LRRC28: variants seen among roughly 807,000 people sequenced by gnomAD.
The protein encoded by LRRC28 is leucine rich repeat containing 28.
A neutral mutation model predicts 45.7 loss-of-function variants in LRRC28; 39 were observed. The ratio of observed to expected loss-of-function variants is 0.85; its 90% CI spans 0.66 to 1.12. The LOEUF (loss-of-function observed/expected upper bound fraction) is 1.12. LRRC28 is among the 50% of genes most tolerant of loss of function. LRRC28 has a pLI of 0.00. For missense variants in LRRC28, 435 were observed against 438.5 expected (o/e 0.99, Z 0.07); for synonymous variants, 206 against 178.8 (o/e 1.15, Z -1.22).
chr15:99,258,903 T>G, intron 2 of LRRC28: 1 of 718,150 alleles, frequency 1.4e-6, no homozygotes, highest in Non-Finnish European at 2.6e-6. Context: ...CCTAAGAACC[T>G]GAATTTTGTC....
chr15:99,273,790 A>G (rs2081546753), intron 2 of LRRC28, among the ~76,000 whole-genome samples: 1 of 152,222 alleles, frequency 6.6e-6, no homozygotes, highest in Admixed American at 6.5e-5. Flanking sequence ...ATGACCGTGG[A>G]GTGTGTGAAT....
chr15:99,376,117 G>A (rs1468143537), intron 9 of LRRC28, among the ~76,000 whole-genome samples: 1 of 152,006 alleles, frequency 6.6e-6, no homozygotes, highest in Non-Finnish European at 1.5e-5. Context: ...CAGCACTACT[G>A]TCTCTAGCTA....
rs1958013858 is a variant in LRRC28 at position 99,386,961 on chromosome 15, A to T, written c.*859A>T. ...GGGGGAGAAAACACACATTGAAATA[A>T]GACCTCCGTGTTCTTTTTTGATGGG... On this transcript the variant is annotated 3_prime_UTR_variant, in exon 10 of 10. Coordinates refer to ENST00000301981, the MANE Select transcript of LRRC28 (RefSeq NM_144598.5). 6.6e-6 allele frequency: 1 copy of T among 152,212 alleles called. No homozygotes were observed. The highest frequency in any genetic ancestry group is 2.4e-5 in the African/African-American group (1 of 41,450). 9.4% of individuals were successfully genotyped at this position (152,212 alleles called of 1,614,324 possible).
chr15:99,365,034 G>A (rs1347671672), intron 9 of LRRC28, among the ~76,000 whole-genome samples: 5 of 152,260 alleles, frequency 3.3e-5, no homozygotes, highest in Non-Finnish European at 5.9e-5. Context: ...TAAACAAAAT[G>A]ATAGGGTCAG....
chr15:99,362,442 A>T (rs986428001), intron 8 of LRRC28, among the ~76,000 whole-genome samples: 1 of 152,166 alleles, frequency 6.6e-6, no homozygotes, highest in Non-Finnish European at 1.5e-5. Context: ...TTTCTGTTGG[A>T]TGCTCATCAT....
chr15:99,304,434 TTTTC>T (rs983331709), intron 5 of LRRC28, among the ~76,000 whole-genome samples: 4 of 152,016 alleles, frequency 2.6e-5, no homozygotes, highest in Non-Finnish European at 4.4e-5. Flanking sequence ...TCCTTTTCTT[TTTTC>T]TTTTTTTTTC....
At chr15:99,347,442 C>T (rs759244225) in intron 6 of LRRC28, among the ~76,000 whole-genome samples, 10 of 152,154 alleles carry the variant, frequency 6.6e-5, no homozygotes, top group African/African-American at 1.4e-4. Context: ...CTCCTGACCT[C>T]GTGATCTGCC....
chr15:99,287,266 C>A lies in LRRC28; in HGVS notation c.219C>A (p.His73Gln). The A allele has an allele frequency of 6.4e-7, 1 of 1,570,854 alleles. No individual in the cohort carries two copies. Among genetic ancestry groups the A allele is most frequent in the East Asian group, 2.3e-5 (1 of 42,668 alleles). Residue 73 changes from histidine to glutamine, a missense_variant, in exon 4 of 10, where the codon CAC becomes CAA. Physicochemically the swap from His to Gln is conservative, Grantham distance 24. Transcript: ENST00000301981. ...TCTTTTTCCTTCCTAGATACCTGCA[C>A]TCAAATAACATAGTTGTGGTTCCGG... The part of the protein sequence containing the change: ...KLPNLVELYL[H>Q]SNNIVVVPEA...
At chr15:99,341,818 GACAAAAATGTGC>G (rs1956522324) in intron 6 of LRRC28, among the ~76,000 whole-genome samples, 1 of 152,104 alleles carries the variant, frequency 6.6e-6, no homozygotes, top group Non-Finnish European at 1.5e-5. Context: ...TTTAAATAGT[GACAAAAATGTGC>G]AGTACTAGTG....
At chr15:99,344,685 A>G (rs535788351) in intron 6 of LRRC28, among the ~76,000 whole-genome samples, 103 of 152,356 alleles carry the variant, frequency 6.8e-4, no homozygotes, top group African/African-American at 2.4e-3. Context: ...TAAAATTAAC[A>G]TAGGGAAAGA....
At chr15:99,257,323 A>T (rs1234293932) in intron 2 of LRRC28, among the ~76,000 whole-genome samples, 2 of 152,232 alleles carry the variant, frequency 1.3e-5, no homozygotes, top group Non-Finnish European at 2.9e-5. Context: ...CCGTGCTATG[A>T]AACCATATTA....
At chr15:99,304,584 A>G (rs1288801523) in intron 5 of LRRC28, among the ~76,000 whole-genome samples, 2 of 151,764 alleles carry the variant, frequency 1.3e-5, no homozygotes, top group Non-Finnish European at 2.9e-5. Flanking sequence ...GTGTGCACCA[A>G]CACGCCCGGC....
chr15:99,369,826 G>A (rs941564137), intron 9 of LRRC28, among the ~76,000 whole-genome samples: 48 of 152,138 alleles, frequency 3.2e-4, no homozygotes, highest in African/African-American at 8.7e-4. Flanking sequence ...TAGGTAGGCC[G>A]GTAACCCAAT....
chr15:99,354,123 T>C (rs1026762046), intron 7 of LRRC28: 2 of 152,204 alleles, frequency 1.3e-5, no homozygotes, highest in Non-Finnish European at 2.9e-5. Flanking sequence ...GCAGTCCTAC[T>C]TACAAATGGC....
At chr15:99,328,424 A>C (rs924268141) in intron 5 of LRRC28, among the ~76,000 whole-genome samples, 3 of 152,166 alleles carry the variant, frequency 2.0e-5, no homozygotes, top group African/African-American at 7.2e-5. Flanking sequence ...TTACCAGGAT[A>C]GTTGCATCAT....
intron 3 of LRRC28, among the ~76,000 whole-genome samples, chr15:99,278,507 A>G (rs1718480916): frequency 2.0e-5 from 3 of 152,080 alleles, no homozygotes; most frequent in African/African-American, 7.2e-5. Context: ...TGGCCTCCCA[A>G]AGTGCTGGGA....
intron 2 of LRRC28, among the ~76,000 whole-genome samples, chr15:99,267,036 A>G (rs1019417856): frequency 6.6e-6 from 1 of 152,236 alleles, no homozygotes; most frequent in Non-Finnish European, 1.5e-5. Flanking sequence ...AGTTTGGTTT[A>G]TATTACTTTC....
chr15:99,336,446 T>G (rs1284927692), intron 6 of LRRC28, among the ~76,000 whole-genome samples: 1 of 152,202 alleles, frequency 6.6e-6, no homozygotes. Flanking sequence ...GGGGCCCTTA[T>G]TTGGGAATAG....
chr15:99,355,888 G>A (rs1265043420), intron 7 of LRRC28, among the ~76,000 whole-genome samples: 1 of 152,154 alleles, frequency 6.6e-6, no homozygotes, highest in Admixed American at 6.5e-5. Context: ...TATGAGAAAT[G>A]TATTCTGAGT....
Sources: allele counts gnomAD v4.1 joint callset (sites outside exome capture counted in the v4.1 genomes callset), GRCh38; gene constraint gnomAD v4.1.1; transcripts MANE v1.5; gene names NCBI Gene and HGNC (gene_info 2026-07-23, HGNC 2026-07-21).